FAP: variants seen among roughly 807,000 people sequenced by gnomAD.
FAP encodes prolyl endopeptidase FAP.
A neutral mutation model predicts 126.5 loss-of-function variants in FAP; 110 were observed. That is an observed-to-expected ratio of 0.87 (90% CI 0.74 to 1.02). FAP has a LOEUF of 1.02. FAP is among the 50% of genes least tolerant of loss of function. The pLI, the probability that FAP is intolerant of heterozygous loss-of-function variation, is 0.00. For missense variants in FAP, 919 were observed against 909.2 expected (o/e 1.01, Z -0.14); for synonymous variants, 334 against 297.3 (o/e 1.12, Z -1.27).
At chr2:162,176,012 G>C (rs888474575) in intron 21 of FAP, 6 of 152,312 alleles carry the variant, frequency 3.9e-5, no homozygotes, top group Middle Eastern at 3.4e-3. Context: ...TAAGGGGACA[G>C]TGTGACTCTC....
intron 11 of FAP, among the ~76,000 whole-genome samples, chr2:162,212,154 A>G (rs1664194100): frequency 6.6e-6 from 1 of 152,238 alleles, no homozygotes. Context: ...ATGTTCTGTC[A>G]GTTTGGATTA....
At chr2:162,226,003 A>G (rs1392234164) in intron 3 of FAP, among the ~76,000 whole-genome samples, 1 of 152,124 alleles carries the variant, frequency 6.6e-6, no homozygotes, top group African/African-American at 2.4e-5. Context: ...TTGTTCAGTG[A>G]CACTTAAGAT....
chr2:162,225,517 C>T lies in FAP; in HGVS notation c.251G>A (p.Gly84Glu), dbSNP rs1689607945. Reference protein sequence around the residue: ...NNIVLYNIETGQSYTILSNRT... With the variant: ...NNIVLYNIETEQSYTILSNRT... ...ATTACTCAAAATGGTATATGATTGT[C>T]CTGTTTCAATATTATAAAGTACTAT... The change falls in exon 4 of 26, where the codon GGA becomes GAA. Residue 84 changes from glycine to glutamate, a missense_variant. Physicochemically the swap from Gly to Glu is moderately conservative, Grantham distance 98. Coordinates refer to ENST00000188790, the MANE Select transcript of FAP (RefSeq NM_004460.5). 2 of 1,600,502 alleles carry T rather than the reference C, an allele frequency of 1.2e-6. No individual in the cohort carries two copies. Among genetic ancestry groups the T allele is most frequent in the South Asian group, 1.1e-5 (1 of 89,856 alleles).
At chr2:162,231,829 C>A (rs1420210642) in intron 2 of FAP, among the ~76,000 whole-genome samples, 1 of 152,192 alleles carries the variant, frequency 6.6e-6, no homozygotes, top group Non-Finnish European at 1.5e-5. Context: ...TTAGTTCTAA[C>A]CTTCAGCATA....
intron 21 of FAP, among the ~76,000 whole-genome samples, chr2:162,177,926 G>A (rs1687541600): frequency 6.6e-6 from 1 of 152,150 alleles, no homozygotes; most frequent in African/African-American, 2.4e-5. Flanking sequence ...TCACAATGAG[G>A]AAACTGAGGC....
rs760635342 is a variant in FAP, at chr2:162,213,919, T to C, written c.1002+19A>G. On this transcript the variant is annotated intron_variant, in intron 11 of 25. Transcript: ENST00000188790. ...CTTGATCTTCAGAAATACGTATCTG[T>C]GATCTTAATATACCCTACCTTTGGA... The C allele has an allele frequency of 6.2e-7, 1 of 1,606,806 alleles. No homozygotes were observed. The highest frequency in any genetic ancestry group is 8.5e-7 in the Non-Finnish European group (1 of 1,175,730).
intron 21 of FAP, among the ~76,000 whole-genome samples, chr2:162,179,887 C>A (rs1452787670): frequency 6.7e-6 from 1 of 150,088 alleles, no homozygotes; most frequent in Non-Finnish European, 1.5e-5. Context: ...CAGCTTACTG[C>A]AACCTCTACC....
At chr2:162,189,228 T>A (rs1457838457) in intron 18 of FAP, 56 bp from the exon 19 acceptor site, 7 of 1,012,980 alleles carry the variant, frequency 6.9e-6, no homozygotes, top group Non-Finnish European at 1.0e-5. Context: ...GTAGCATCAT[T>A]TATTGTCTTT....
intron 11 of FAP, 43 bp from the exon 12 acceptor site, chr2:162,210,039 A>T: frequency 6.4e-7 from 1 of 1,563,130 alleles, no homozygotes; most frequent in Non-Finnish European, 8.8e-7. Context: ...TTAGGAGAAC[A>T]TTTTTTTCCT....
chr2:162,205,757 C>T (rs1043620311), intron 12 of FAP, among the ~76,000 whole-genome samples: 1 of 152,154 alleles, frequency 6.6e-6, no homozygotes, highest in African/African-American at 2.4e-5. Flanking sequence ...AGGTGATCCA[C>T]CCGCCTTGGC....
chr2:162,198,108 G>T, intron 16 of FAP: 1 of 1,117,176 alleles, frequency 9.0e-7, no homozygotes, highest in Admixed American at 2.9e-5. Flanking sequence ...ATGTACGTAT[G>T]TCCTAAACAA....
In FAP at chr2:162,215,945, C is replaced by G. The variant is rs150058882; in HGVS notation, c.819G>C (p.Ala273=). The G allele has an allele frequency of 3.1e-6, 5 of 1,614,014 alleles. No individual in the cohort carries two copies. The highest frequency in any genetic ancestry group is 4.2e-6 in the Non-Finnish European group (5 of 1,179,970). Residue 273 remains alanine (A), a synonymous_variant, in exon 10 of 26, where the codon GCG becomes GCC. Coordinates refer to ENST00000188790, the MANE Select transcript of FAP (RefSeq NM_004460.5). ...CAGGCACTTCCTGGGGACCTACATA[C>G]GCAGGGTAAGTGGTATCGATAATAA... ...RIFIIDTTYP[A]YVGPQEVPVP...
At chr2:162,172,464 T>C (rs1450057826) in intron 25 of FAP, 2 of 193,454 alleles carry the variant, frequency 1.0e-5, no homozygotes, top group South Asian at 2.3e-4. Flanking sequence ...CAGAATCTTC[T>C]AGCTGTTTAA....
chr2:162,172,903 GAGTT>G lies in FAP; in HGVS notation c.2108-23_2108-20del. 6.3e-7 allele frequency: 1 copy of G among 1,589,650 alleles called. No homozygotes were observed. Among genetic ancestry groups the G allele is most frequent in the South Asian group, 1.1e-5 (1 of 90,600 alleles). ...ACATTATCTGCAACAAAGAGAGAGA[GAGTT>G]AAAGTGCTGCTAAATACCAGAAAGC... On this transcript the variant is annotated intron_variant, in intron 24 of 25. Transcript: ENST00000188790.
At position 162,240,775 on chromosome 2, in the gene FAP, G is replaced by A. The variant is rs150979858; in HGVS notation, c.91+2133C>T. On this transcript the variant is annotated intron_variant, in intron 2 of 25. Transcript: ENST00000188790. ...TGAGAAAGAGGCTAAGTAGGAGCTCGCTTAGCTTTGAATTCTCTGTTCTTT... is the reference window on the plus strand; with the variant it reads ...TGAGAAAGAGGCTAAGTAGGAGCTCACTTAGCTTTGAATTCTCTGTTCTTT... Among the ~76,000 whole-genome samples the A allele has an allele frequency of 8.7e-3, 1,320 of 152,264 alleles. 17 individuals are homozygous for A. The highest frequency in any genetic ancestry group is 0.01 in the Non-Finnish European group (681 of 68,024).
At chr2:162,215,254 GC>G (rs1461976377) in intron 10 of FAP, among the ~76,000 whole-genome samples, 9 of 152,178 alleles carry the variant, frequency 5.9e-5, no homozygotes, top group Non-Finnish European at 1.3e-4. Context: ...GGCCCGCTAG[GC>G]ATGGGGAACT....
chr2:162,211,664 A>G (rs531137757), intron 11 of FAP, among the ~76,000 whole-genome samples: 51 of 152,272 alleles, frequency 3.3e-4, no homozygotes, highest in African/African-American at 1.2e-3. Context: ...AAAATAGTGA[A>G]ATTTTTGGAT....
chr2:162,199,022 A>G, intron 15 of FAP, 141 bp from the exon 16 acceptor site: 1 of 711,880 alleles, frequency 1.4e-6, no homozygotes. Flanking sequence ...TTTAAAGTAA[A>G]GGGGAATCAC....
At chr2:162,237,075 C>A (rs959555465) in intron 2 of FAP, among the ~76,000 whole-genome samples, 11 of 151,884 alleles carry the variant, frequency 7.2e-5, no homozygotes, top group African/African-American at 2.4e-4. Context: ...TTATTCTGTT[C>A]TTACTGCATA....
Sources: allele counts gnomAD v4.1 joint callset (sites outside exome capture counted in the v4.1 genomes callset), GRCh38; gene constraint gnomAD v4.1.1; transcripts MANE v1.5; gene names NCBI Gene and HGNC (gene_info 2026-07-23, HGNC 2026-07-21).